Variants in SGIP1 observed in about 807,000 individuals in gnomAD.
SGIP1 encodes the protein SH3GL interacting endocytic adaptor 1.
In SGIP1, 38 loss-of-function variants were observed where a neutral mutation model predicts 107.5. That is an observed-to-expected ratio of 0.35 (90% CI 0.27 to 0.46). The LOEUF is 0.46. SGIP1 is among the 20% of genes least tolerant of loss of function. The probability of loss-of-function intolerance (pLI) is 1.00; values close to 1 mark genes in which losing one functional copy is unlikely to be tolerated. For synonymous variants in SGIP1, 365 were observed against 366.1 expected (o/e 1.00, Z 0.03); for missense variants, 929 against 1,019.5 (o/e 0.91, Z 1.21).
At chr1:66,537,968 T>A in intron 1 of SGIP1, among the ~76,000 whole-genome samples, 1 of 152,170 alleles carries the variant, frequency 6.6e-6, no homozygotes, top group Non-Finnish European at 1.5e-5. Context: ...AAATAGGCTG[T>A]AGTGCCTTTG....
chr1:66,534,389 G>T (rs768979870), intron 1 of SGIP1, 21 bp downstream of exon 1: 8 of 1,613,936 alleles, frequency 5.0e-6, no homozygotes, highest in Non-Finnish European at 6.8e-6. Flanking sequence ...TTCTGCTATG[G>T]TTGACTGGCT....
intron 8 of SGIP1, among the ~76,000 whole-genome samples, chr1:66,661,024 G>A (rs2081363109): frequency 6.6e-6 from 1 of 152,122 alleles, no homozygotes; most frequent in Non-Finnish European, 1.5e-5. Context: ...TCCTGGAATT[G>A]TCAGAGTCTG....
rs2094543280 is a variant in SGIP1 at position 66,745,714 on chromosome 1, C to T, written c.*2619C>T. ...TTCTAGTTAACCAGAACACCATTTC[C>T]TGAACGTTATGATCTTTAAAAGGTT... On this transcript the variant is annotated 3_prime_UTR_variant, in exon 25 of 25. Transcript: ENST00000371037. The T allele has an allele frequency of 6.6e-6, 1 of 151,960 alleles. No homozygotes were observed. The highest frequency in any genetic ancestry group is 1.5e-5 in the Non-Finnish European group (1 of 67,928). The allele number at this position is 151,960 out of a possible 1,614,324, so 9.4% of individuals were successfully genotyped here. A position where few individuals can be genotyped will look rare whatever the true frequency, so the allele number is the denominator to read the frequency against.
intron 1 of SGIP1, among the ~76,000 whole-genome samples, chr1:66,607,657 C>T (rs2067121077): frequency 6.6e-6 from 1 of 152,130 alleles, no homozygotes; most frequent in Non-Finnish European, 1.5e-5. Flanking sequence ...TAATGCCCCA[C>T]CCCCCTACAC....
chr1:66,707,258 G>A (rs1328854998), intron 18 of SGIP1, among the ~76,000 whole-genome samples: 2 of 152,082 alleles, frequency 1.3e-5, no homozygotes, highest in African/African-American at 4.8e-5. Context: ...AATAGACAAA[G>A]TGCTGGCCAC....
At chr1:66,705,814 G>A (rs1225273371) in intron 18 of SGIP1, among the ~76,000 whole-genome samples, 1 of 152,060 alleles carries the variant, frequency 6.6e-6, no homozygotes, top group Non-Finnish European at 1.5e-5. Flanking sequence ...AGTAGGAGTT[G>A]AACAATGAGA....
intron 20 of SGIP1, 141 bp from the exon 21 acceptor site, chr1:66,733,607 C>A: frequency 1.2e-6 from 1 of 824,792 alleles, no homozygotes; most frequent in Non-Finnish European, 1.8e-6. Flanking sequence ...AACCACACTA[C>A]TGTTAATAGA....
chr1:66,534,448 G>GT, intron 1 of SGIP1, 80 bp downstream of exon 1: 3 of 1,512,822 alleles, frequency 2.0e-6, no homozygotes, highest in Non-Finnish European at 2.8e-6. Context: ...TGCAGCCAGT[G>GT]TATGTGGCGG....
intron 1 of SGIP1, among the ~76,000 whole-genome samples, chr1:66,580,862 A>G (rs2061720154): frequency 6.6e-6 from 1 of 152,186 alleles, no homozygotes; most frequent in Non-Finnish European, 1.5e-5. Flanking sequence ...TTATTCATAC[A>G]GTATAAAATC....
At chr1:66,737,454 A>T (rs1301836828) in intron 21 of SGIP1, among the ~76,000 whole-genome samples, 1 of 152,088 alleles carries the variant, frequency 6.6e-6, no homozygotes, top group African/African-American at 2.4e-5. Flanking sequence ...ACACTTTGGG[A>T]GGCTGAGGCA....
At chr1:66,724,404 TA>T (rs1449008977) in intron 19 of SGIP1, among the ~76,000 whole-genome samples, 1 of 152,010 alleles carries the variant, frequency 6.6e-6, no homozygotes, top group Admixed American at 6.6e-5. Flanking sequence ...ATCCTTAAGT[TA>T]AAAAAAATTC....
At chr1:66,700,922 A>G (rs2091810429) in intron 18 of SGIP1, among the ~76,000 whole-genome samples, 1 of 152,110 alleles carries the variant, frequency 6.6e-6, no homozygotes, top group African/African-American at 2.4e-5. Flanking sequence ...GACCCCAGAG[A>G]GGAAAAATAC....
At chr1:66,740,605 A>T (rs1483368947) in intron 22 of SGIP1, 53 bp from the exon 23 acceptor site, 6 of 1,155,318 alleles carry the variant, frequency 5.2e-6, no homozygotes, top group Non-Finnish European at 7.7e-6. Flanking sequence ...CATGGCATCC[A>T]GTAAACAAAA....
intron 8 of SGIP1, chr1:66,665,911 T>C (rs1444966251): frequency 6.6e-6 from 1 of 152,216 alleles, no homozygotes; most frequent in Non-Finnish European, 1.5e-5. Flanking sequence ...TTTTCTCCCA[T>C]TCTGTAGGTT....
intron 18 of SGIP1, among the ~76,000 whole-genome samples, chr1:66,710,670 A>G (rs1030898078): frequency 2.0e-5 from 3 of 152,218 alleles, no homozygotes; most frequent in African/African-American, 7.2e-5. Context: ...AACAATGGAT[A>G]TACCATGCAA....
At position 66,658,123 on chromosome 1, in the gene SGIP1, G is replaced by A. The variant is rs147507531; in HGVS notation, c.460-2390G>A. Among the ~76,000 whole-genome samples, 17 of 152,202 alleles carry A rather than the reference G, an allele frequency of 1.1e-4. 1 individual carries two copies. The East Asian group carries it at 3.3e-3, about 29-fold the overall frequency. On this transcript the variant is annotated intron_variant, in intron 7 of 24. Transcript: ENST00000371037. ...TAACCTTTATCATTTGTGTGTTCAT[G>A]TTTAGTCTTCTGATTTTAATTAAAT... is the stretch of plus-strand genomic sequence containing the variant.
chr1:66,681,827 A>G, intron 14 of SGIP1, 42 bp from the exon 15 acceptor site: 1 of 1,564,166 alleles, frequency 6.4e-7, no homozygotes, highest in South Asian at 1.2e-5. Flanking sequence ...CCACACAAAT[A>G]ATAAGTCAAT....
Position 66,672,008 on chromosome 1 carries a change from G to A in SGIP1, c.560+13G>A, listed in dbSNP as rs2083934345. The A allele has an allele frequency of 1.2e-6, 2 of 1,613,444 alleles. No homozygotes were observed. Among genetic ancestry groups the A allele is most frequent in the Non-Finnish European group, 1.7e-6 (2 of 1,179,516 alleles). ...CAGAACTTATAAGGTGAGTGTGAAA[G>A]ACATTAGTTGTGTTTTATGCAAGGC... On this transcript the variant is annotated intron_variant, in intron 11 of 24. Coordinates refer to ENST00000371037, the MANE Select transcript of SGIP1 (RefSeq NM_032291.4).
At chr1:66,694,367 G>C in intron 17 of SGIP1, 2 of 1,319,014 alleles carry the variant, frequency 1.5e-6, no homozygotes, top group Non-Finnish European at 2.1e-6. Flanking sequence ...AGTAAAGTGG[G>C]CTTCTTGATT....
Sources: gnomAD v4.1 joint callset for allele counts (sites outside exome capture counted in the v4.1 genomes callset) on GRCh38, gnomAD v4.1.1 for gene constraint, MANE v1.5 for transcripts, NCBI Gene and HGNC (gene_info 2026-07-23, HGNC 2026-07-21) for gene names.